TSBP1: variants seen among roughly 807,000 people sequenced by gnomAD.
The protein encoded by TSBP1 is testis-expressed basic protein 1.
A neutral mutation model predicts 68.8 loss-of-function variants in TSBP1; 56 were observed. The ratio of observed to expected loss-of-function variants is 0.81; its 90% CI spans 0.66 to 1.02. The LOEUF is 1.02. Among genes scored for constraint, TSBP1 ranks in the 50% least tolerant of loss-of-function variants. TSBP1 has a pLI of 0.00. For synonymous variants in TSBP1, 171 were observed against 208.7 expected (o/e 0.82, Z 1.56); for missense variants, 502 against 641.2 (o/e 0.78, Z 2.34).
chr6:32,323,359 C>T, intron 17 of TSBP1: 1 of 694,448 alleles, frequency 1.4e-6, no homozygotes. Flanking sequence ...GTAATTAAAG[C>T]ACTTAAATAG....
In TSBP1 at chr6:32,315,676, T is replaced by C. The variant is rs1766878054; in HGVS notation, c.580+96A>G. The C allele has an allele frequency of 1.3e-6, 1 of 769,672 alleles. No homozygotes were observed. The highest frequency in any genetic ancestry group is 2.8e-5 in the East Asian group (1 of 36,084). The allele number at this position is 769,672 out of a possible 1,614,324, so 47.7% of individuals were successfully genotyped here. On this transcript the variant is annotated intron_variant, in intron 19 of 22. Coordinates refer to ENST00000612031, the Ensembl canonical transcript of TSBP1. This position sits in a 1 kb window ranked among gnomAD's most constrained non-coding sequence, Gnocchi z 5.4. ...TTTGGGTAATGTAGAAGCAAATGAATATGAGAAATATGAGTCTCAATCTTT... is the reference window on the plus strand; with the variant it reads ...TTTGGGTAATGTAGAAGCAAATGAACATGAGAAATATGAGTCTCAATCTTT...
At chr6:32,360,252 T>C (rs1191593128) in intron 6 of TSBP1, among the ~76,000 whole-genome samples, 1 of 152,190 alleles carries the variant, frequency 6.6e-6, no homozygotes, top group Non-Finnish European at 1.5e-5. Flanking sequence ...GTTCCATATA[T>C]ACATGAGATC....
intron 6 of TSBP1, among the ~76,000 whole-genome samples, chr6:32,359,367 G>T (rs865894155): frequency 6.6e-6 from 1 of 151,970 alleles, no homozygotes; most frequent in Admixed American, 6.6e-5. Flanking sequence ...ATCTCATTGT[G>T]GTTTTGATTT....
Position 32,337,265 on chromosome 6 carries a change from G to A in TSBP1, c.410-630C>T, listed in dbSNP as rs982317327. On this transcript the variant is annotated intron_variant, in intron 11 of 22. Transcript: ENST00000612031. The surrounding 1 kb of genome is among the most constrained non-coding windows in gnomAD (Gnocchi z 5.5). ...GGAGGAACAAATTAAGTTTATAAAT[G>A]CTTCTTTCTTCATCTTGGAGGATCC... 1.3e-5 allele frequency among the ~76,000 whole-genome samples: 2 copies of A among 152,192 alleles called. No homozygotes were observed. Among genetic ancestry groups the A allele is most frequent in the Non-Finnish European group, 2.9e-5 (2 of 68,026 alleles).
Position 32,336,785 on chromosome 6 carries a change from C to A in TSBP1, c.410-150G>T. On this transcript the variant is annotated intron_variant, in intron 11 of 22. Transcript: ENST00000612031. The surrounding 1 kb of genome is among the most constrained non-coding windows in gnomAD (Gnocchi z 5.2). ...TGATCTTAGCCTGGAAGCTGCATAA[C>A]CCTCCTACCAGATCAAATCATTCAG... 1.7e-6 allele frequency: 1 copy of A among 593,604 alleles called. No individual in the cohort carries two copies. Among genetic ancestry groups the A allele is most frequent in the Admixed American group, 2.8e-5 (1 of 35,218 alleles). The allele number at this position is 593,604 out of a possible 1,614,324, so 36.8% of individuals were successfully genotyped here. A position where few individuals can be genotyped will look rare whatever the true frequency, so the allele number is the denominator to read the frequency against.
rs9281743 is a variant in TSBP1, at chr6:32,342,060, T to C, written c.350-2422A>G. On this transcript the variant is annotated intron_variant, in intron 9 of 22. Transcript: ENST00000612031. ...TTTAGAAAATGTGTTCTTTTTTTTT[T>C]TTTTTGACAATCAATTGAAATCAGT... Among the ~76,000 whole-genome samples the C allele has an allele frequency of 2.7e-5, 4 of 150,918 alleles. No homozygotes were observed. In the South Asian group the frequency reaches 6.3e-4, roughly 24 times the overall value.
At chr6:32,328,098 G>A (rs1390387709) in intron 16 of TSBP1, among the ~76,000 whole-genome samples, 1 of 151,682 alleles carries the variant, frequency 6.6e-6, no homozygotes, top group Non-Finnish European at 1.5e-5. Flanking sequence ...CCACCAGTGC[G>A]CCGGGCCTAA....
intron 3 of TSBP1, 85 bp from the exon 4 acceptor site, chr6:32,368,042 T>C: frequency 1.9e-6 from 2 of 1,056,448 alleles, no homozygotes; most frequent in Non-Finnish European, 1.5e-6. Flanking sequence ...AATGTAAACA[T>C]GAACTCCTAA....
chr6:32,308,366 AG>A (rs752431965), intron 19 of TSBP1, among the ~76,000 whole-genome samples: 85 of 151,682 alleles, frequency 5.6e-4, no homozygotes, highest in Admixed American at 4.7e-3. Flanking sequence ...TGGGAGGCCG[AG>A]GCGGGCGGAT....
At chr6:32,356,593 G>A (rs935146713) in intron 6 of TSBP1, among the ~76,000 whole-genome samples, 33 of 152,144 alleles carry the variant, frequency 2.2e-4, no homozygotes, top group Admixed American at 6.5e-4. Flanking sequence ...GGTGGTACAC[G>A]CCTGTAATCC....
chr6:32,299,441 A>C (rs1224116858), intron 22 of TSBP1, among the ~76,000 whole-genome samples: 1 of 152,096 alleles, frequency 6.6e-6, no homozygotes, highest in Non-Finnish European at 1.5e-5. Flanking sequence ...ACCTATAACT[A>C]AAAAAAAGTT....
chr6:32,298,845 A>G (rs185559249), intron 22 of TSBP1, among the ~76,000 whole-genome samples: 21 of 152,308 alleles, frequency 1.4e-4, no homozygotes, highest in African/African-American at 4.6e-4. Flanking sequence ...TTTGTTTTGT[A>G]TGGTTTCCTT....
intron 10 of TSBP1, 148 bp downstream of exon 11, chr6:32,339,452 C>A: frequency 1.4e-6 from 1 of 735,528 alleles, no homozygotes; most frequent in South Asian, 1.4e-5. Context: ...ACCACCTTCC[C>A]CATTCCTCTG....
At chr6:32,307,535 C>T (rs547174946) in intron 19 of TSBP1, among the ~76,000 whole-genome samples, 40 of 152,118 alleles carry the variant, frequency 2.6e-4, no homozygotes, top group African/African-American at 8.4e-4. Context: ...GTTCAGTGTA[C>T]ATTACTAGAT....
At position 32,293,439 on chromosome 6, in the gene TSBP1, G is replaced by A; in HGVS notation, c.1234C>T (p.Gln412Ter). ...ACCTTCAACTCACTCTTCTCTACCT[G>A]GGCTTCCTGTCCTTTCAGTACAACT... The change falls in exon 23 of 23, where the codon CAG (glutamine) becomes TAG (stop). Residue 412 changes from glutamine (Q) to a stop codon, truncating the protein, a stop_gained. Coordinates refer to ENST00000612031, the Ensembl canonical transcript of TSBP1. LOFTEE classifies it low-confidence loss of function (END_TRUNC). 1 of 1,611,782 alleles carries A rather than the reference G, an allele frequency of 6.2e-7. No individual in the cohort carries two copies. Among genetic ancestry groups the A allele is most frequent in the Non-Finnish European group, 8.5e-7 (1 of 1,179,080 alleles).
intron 16 of TSBP1, among the ~76,000 whole-genome samples, chr6:32,327,321 G>A (rs1438869949): frequency 2.0e-5 from 3 of 152,152 alleles, no homozygotes; most frequent in South Asian, 2.1e-4. Flanking sequence ...GGTAAAAAAC[G>A]GAAGGAACAC....
intron 9 of TSBP1, among the ~76,000 whole-genome samples, chr6:32,341,218 C>G (rs553280188): frequency 2.0e-5 from 3 of 152,072 alleles, no homozygotes; most frequent in East Asian, 3.9e-4. Flanking sequence ...AAAAAACTTA[C>G]GATGTACATA....
chr6:32,339,278 A>T, intron 10 of TSBP1: 1 of 553,654 alleles, frequency 1.8e-6, no homozygotes, highest in Non-Finnish European at 3.2e-6. Context: ...CAATTTCATT[A>T]ATTAATCTAG....
intron 9 of TSBP1, among the ~76,000 whole-genome samples, chr6:32,342,025 C>T (rs1770417231): frequency 6.7e-6 from 1 of 149,190 alleles, no homozygotes; most frequent in Non-Finnish European, 1.5e-5. Context: ...CTGTCACAGT[C>T]TTCCCTTCAT....
Sources: gnomAD v4.1 joint callset for allele counts (sites outside exome capture counted in the v4.1 genomes callset) on GRCh38, gnomAD v4.1.1 for gene constraint, Gnocchi (gnomAD v3.1) non-coding constraint, MANE v1.5 for transcripts, NCBI Gene and HGNC (gene_info 2026-07-23, HGNC 2026-07-21) for gene names.